Variants in SGCZ observed in about 807,000 individuals in gnomAD.
The protein encoded by SGCZ is zeta-sarcoglycan.
A neutral mutation model predicts 41.3 loss-of-function variants in SGCZ; 40 were observed. That is an observed-to-expected ratio of 0.97 (90% CI 0.75 to 1.26). SGCZ has a LOEUF of 1.26. Ranked by LOEUF, SGCZ falls within the 50% of genes most tolerant of loss-of-function variation. The pLI is 0.00. For missense variants in SGCZ, 552 were observed against 369.8 expected, an observed-to-expected ratio of 1.49 and a Z score of -4.04; for synonymous variants, 206 against 137.5, an observed-to-expected ratio of 1.50 and a Z score of -3.49.
At chr8:14,605,690 A>G (rs1157894703) in intron 1 of SGCZ, among the ~76,000 whole-genome samples, 1 of 152,196 alleles carries the variant, frequency 6.6e-6, no homozygotes, top group Non-Finnish European at 1.5e-5. Context: ...AAGGGAAACC[A>G]TCACAGAGAG....
chr8:14,409,781 C>G (rs1242281187), intron 2 of SGCZ, among the ~76,000 whole-genome samples: 2 of 152,050 alleles, frequency 1.3e-5, no homozygotes, highest in Non-Finnish European at 2.9e-5. Flanking sequence ...GCAACACATA[C>G]TTGGAAAGTA....
At chr8:15,052,800 C>A (rs1804561417) in intron 1 of SGCZ, among the ~76,000 whole-genome samples, 1 of 152,088 alleles carries the variant, frequency 6.6e-6, no homozygotes, top group Non-Finnish European at 1.5e-5. Flanking sequence ...TGCTTGACCC[C>A]AAATTTTCCA....
chr8:14,461,266 C>T (rs1295420547), intron 2 of SGCZ, among the ~76,000 whole-genome samples: 1 of 152,100 alleles, frequency 6.6e-6, no homozygotes, highest in Non-Finnish European at 1.5e-5. Context: ...AGGAAATATC[C>T]TCTTCAACTG....
chr8:14,177,347 T>C (rs75857215), intron 4 of SGCZ, among the ~76,000 whole-genome samples: 1,877 of 152,334 alleles, frequency 0.012, 34 homozygotes, highest in African/African-American at 0.041. Flanking sequence ...ATGACAGGTT[T>C]TCTAGAACTC....
At chr8:15,174,217 G>C (rs768581135) in intron 1 of SGCZ, among the ~76,000 whole-genome samples, 3 of 152,136 alleles carry the variant, frequency 2.0e-5, no homozygotes, top group Non-Finnish European at 2.9e-5. Context: ...AAACTCACCA[G>C]CAACTAAACT....
intron 1 of SGCZ, among the ~76,000 whole-genome samples, chr8:14,803,633 G>A (rs111925871): frequency 0.064 from 9,679 of 152,146 alleles, 661 homozygotes; most frequent in African/African-American, 0.17. Context: ...AAACTGCAAG[G>A]TGGCAGTGAG....
chr8:14,195,892 G>A (rs1478015), intron 4 of SGCZ, among the ~76,000 whole-genome samples: 105,203 of 151,992 alleles, frequency 0.69, 36,924 homozygotes, highest in East Asian at 0.8. Context: ...CTGCACTATC[G>A]GGAATGTTAA....
intron 2 of SGCZ, among the ~76,000 whole-genome samples, chr8:14,495,484 C>A (rs1300061933): frequency 6.6e-6 from 1 of 152,082 alleles, no homozygotes; most frequent in Non-Finnish European, 1.5e-5. Flanking sequence ...AAAAGTCTGG[C>A]TTTTGATATC....
chr8:14,086,417 T>G lies in SGCZ; in HGVS notation c.*4026A>C, dbSNP rs1011138709. On this transcript the variant is annotated 3_prime_UTR_variant, in exon 8 of 8. Transcript: ENST00000382080. ...GAGTTTTATTGTATCAAATGCTATT[T>G]TTGTAAAACGAGGCATTCTCTGATT... Among the ~76,000 whole-genome samples the G allele has an allele frequency of 2.0e-5, 3 of 151,684 alleles. No individual in the cohort carries two copies. The highest frequency in any genetic ancestry group is 7.2e-5 in the African/African-American group (3 of 41,394).
chr8:14,541,410 T>C (rs370268618), intron 2 of SGCZ, among the ~76,000 whole-genome samples: 17 of 152,212 alleles, frequency 1.1e-4, no homozygotes, highest in African/African-American at 4.1e-4. Flanking sequence ...TTTCTGTTCC[T>C]GTGTTAGTTT....
intron 2 of SGCZ, among the ~76,000 whole-genome samples, chr8:14,463,467 A>C (rs1800959749): frequency 6.6e-6 from 1 of 151,238 alleles, no homozygotes; most frequent in Non-Finnish European, 1.5e-5. Flanking sequence ...CCCTTACTTA[A>C]TACCATATAT....
At chr8:14,683,864 CT>C (rs1227706559) in intron 1 of SGCZ, among the ~76,000 whole-genome samples, 5 of 152,028 alleles carry the variant, frequency 3.3e-5, no homozygotes, top group Admixed American at 3.3e-4. Flanking sequence ...AAGTTATATC[CT>C]CTGATACACA....
chr8:14,594,368 TA>T (rs1013862711), intron 1 of SGCZ, among the ~76,000 whole-genome samples: 6 of 150,116 alleles, frequency 4.0e-5, no homozygotes, highest in East Asian at 2.0e-4. Flanking sequence ...GATGTAGCAT[TA>T]AAAAAAAACA....
In SGCZ at chr8:14,551,328, C is replaced by T. The variant is rs556390326; in HGVS notation, c.234+3404G>A. ...GATTTGAGAGACCTGCTAGACTAGTCTATTAACTAAACCACAAAGATGTTA... is the reference window on the plus strand; with the variant it reads ...GATTTGAGAGACCTGCTAGACTAGTTTATTAACTAAACCACAAAGATGTTA... On this transcript the variant is annotated intron_variant, in intron 2 of 7. Coordinates refer to ENST00000382080, the MANE Select transcript of SGCZ (RefSeq NM_139167.4). Among the ~76,000 whole-genome samples the T allele has an allele frequency of 1.4e-3, 201 of 140,744 alleles. 1 individual carries two copies. The highest frequency in any genetic ancestry group is 1.9e-3 in the Non-Finnish European group (126 of 65,848). The allele number at this position is 140,744 out of a possible 152,430, so 92.3% of individuals were successfully genotyped here.
chr8:14,090,154 T>C lies in SGCZ; in HGVS notation c.*289A>G. On this transcript the variant is annotated 3_prime_UTR_variant, in exon 8 of 8. Transcript: ENST00000382080. The stretch of plus-strand genomic sequence containing the variant: ...CTGCAAAAATCTAAAACTGTGTGCT[T>C]CACTTCGCGTAGCAAAGGCACCTAT... 1 of 245,060 alleles carries C rather than the reference T, an allele frequency of 4.1e-6. No individual in the cohort carries two copies. The highest frequency in any genetic ancestry group is 1.5e-4 in the South Asian group (1 of 6,562). The allele number at this position is 245,060 out of a possible 1,614,324, so 15.2% of individuals were successfully genotyped here.
intron 1 of SGCZ, among the ~76,000 whole-genome samples, chr8:15,087,342 T>C (rs917110218): frequency 2.0e-5 from 3 of 152,108 alleles, no homozygotes; most frequent in Non-Finnish European, 4.4e-5. Context: ...CCTGTGTACA[T>C]CTCAGCACAG....
Position 14,774,057 on chromosome 8 carries a change from T to G in SGCZ, c.40-219131A>C, listed in dbSNP as rs958018940. On this transcript the variant is annotated intron_variant, in intron 1 of 7. Transcript: ENST00000382080. ...TGCAGTCAAGCATTATTCCGAGTGT[T>G]TTTGCACGGGTGTTTTTCGTTGAGA... 6.0e-4 allele frequency among the ~76,000 whole-genome samples: 91 copies of G among 152,132 alleles called. 1 individual carries two copies. The highest frequency in any genetic ancestry group is 1.9e-3 in the African/African-American group (77 of 41,422).
chr8:14,115,851 T>C (rs1442447662), intron 5 of SGCZ, among the ~76,000 whole-genome samples: 1 of 151,992 alleles, frequency 6.6e-6, no homozygotes, highest in African/African-American at 2.4e-5. Flanking sequence ...TTCCTTATTT[T>C]ATTCTTCAAG....
At chr8:15,078,147 CTTTTTTTT>C (rs34411963) in intron 1 of SGCZ, among the ~76,000 whole-genome samples, 30 of 44,806 alleles carry the variant, frequency 6.7e-4, no homozygotes, top group African/African-American at 2.3e-3. Flanking sequence ...AGGAACTCTT[CTTTTTTTT>C]TTTTTTTTTT....
Sources: gnomAD v4.1 joint callset for allele counts (sites outside exome capture counted in the v4.1 genomes callset) on GRCh38, gnomAD v4.1.1 for gene constraint, MANE v1.5 for transcripts, NCBI Gene and HGNC (gene_info 2026-07-23, HGNC 2026-07-21) for gene names.